Variants in RNLS observed in about 807,000 individuals in gnomAD.
RNLS encodes the protein renalase.
In RNLS, 39 loss-of-function variants were observed where a neutral mutation model predicts 39.8. The observed-to-expected ratio is 0.98, with a 90% confidence interval of 0.76 to 1.28. The LOEUF (loss-of-function observed/expected upper bound fraction) is 1.28. RNLS is among the 50% of genes most tolerant of loss of function. RNLS has a pLI of 0.00. For missense variants in RNLS, 410 were observed against 413.3 expected (o/e 0.99, Z 0.07); for synonymous variants, 147 against 150.7 (o/e 0.98, Z 0.18).
chr10:88,281,844 C>T (rs145623136), downstream of RNLS, among the ~76,000 whole-genome samples: 131 of 151,922 alleles, frequency 8.6e-4, no homozygotes, highest in Admixed American at 2.4e-3. Flanking sequence ...TTCATATTCC[C>T]GGTTTTTCTG....
intron 4 of RNLS, among the ~76,000 whole-genome samples, chr10:88,419,678 A>T (rs1275105580): frequency 6.6e-6 from 1 of 152,120 alleles, no homozygotes; most frequent in Non-Finnish European, 1.5e-5. Context: ...TTTCTTCCTC[A>T]TGATTCCTTT....
chr10:88,460,327 G>C (rs986685746), intron 4 of RNLS, among the ~76,000 whole-genome samples: 1 of 152,118 alleles, frequency 6.6e-6, no homozygotes, highest in Admixed American at 6.6e-5. Flanking sequence ...GAAATACAAA[G>C]AGAATAGCTC....
chr10:88,513,691 C>T (rs1846267343), intron 4 of RNLS, among the ~76,000 whole-genome samples: 1 of 152,062 alleles, frequency 6.6e-6, no homozygotes, highest in Admixed American at 6.6e-5. Context: ...TGCATAAACA[C>T]CTTTTCACAC....
chr10:88,256,527 G>A, the RNLS span, among the ~76,000 whole-genome samples: 1 of 152,228 alleles, frequency 6.6e-6, no homozygotes, highest in Non-Finnish European at 1.5e-5. Context: ...CTTCAGACAG[G>A]AGGATATGGG....
At chr10:88,290,603 A>C (rs1276249972) in intron 6 of RNLS, among the ~76,000 whole-genome samples, 1 of 152,224 alleles carries the variant, frequency 6.6e-6, no homozygotes, top group East Asian at 1.9e-4. Context: ...TTAATAGAAA[A>C]GTTCTTTCAG....
chr10:88,522,701 A>G (rs1760752175), intron 4 of RNLS, among the ~76,000 whole-genome samples: 1 of 152,096 alleles, frequency 6.6e-6, no homozygotes, highest in South Asian at 2.1e-4. Flanking sequence ...GAGGAAACTA[A>G]TCAAAGAGAT....
chr10:88,356,071 A>C (rs1477858997), intron 5 of RNLS, among the ~76,000 whole-genome samples: 1 of 152,168 alleles, frequency 6.6e-6, no homozygotes, highest in African/African-American at 2.4e-5. Flanking sequence ...ATTGGAAAAG[A>C]GCAGTATTAG....
chr10:88,175,293 G>A, the RNLS span, among the ~76,000 whole-genome samples: 1 of 151,772 alleles, frequency 6.6e-6, no homozygotes, highest in Non-Finnish European at 1.5e-5. Flanking sequence ...CCCAATTTGG[G>A]GTTTGGTTTG....
At chr10:88,533,913 A>T (rs1847587791) in intron 4 of RNLS, among the ~76,000 whole-genome samples, 1 of 152,178 alleles carries the variant, frequency 6.6e-6, no homozygotes, top group Admixed American at 6.6e-5. Context: ...GGGGTAGATG[A>T]AATTGCTAAT....
At chr10:88,269,381 C>T (rs1842587098), downstream of RNLS, among the ~76,000 whole-genome samples, 1 of 152,156 alleles carries the variant, frequency 6.6e-6, no homozygotes, top group African/African-American at 2.4e-5. Context: ...ATGCATGAAA[C>T]TATTTTATTA....
chr10:88,330,135 C>A (rs1589569418), intron 5 of RNLS, among the ~76,000 whole-genome samples: 1 of 147,538 alleles, frequency 6.8e-6, no homozygotes, highest in Admixed American at 6.8e-5. Flanking sequence ...CACACACACA[C>A]AATTTTATAT....
At chr10:88,350,944 T>C (rs1848648209) in intron 5 of RNLS, among the ~76,000 whole-genome samples, 1 of 152,204 alleles carries the variant, frequency 6.6e-6, no homozygotes, top group Non-Finnish European at 1.5e-5. Flanking sequence ...TGAGATGATA[T>C]CTCATTGTGG....
At chr10:88,172,532 T>A in the RNLS span, among the ~76,000 whole-genome samples, 1,606 of 151,884 alleles carry the variant, frequency 0.011, 25 homozygotes, top group African/African-American at 0.036. Flanking sequence ...ATTATTTGTA[T>A]TTTTTTACTG....
the RNLS span, among the ~76,000 whole-genome samples, chr10:88,188,941 A>T: frequency 2.0e-5 from 3 of 152,190 alleles, no homozygotes; most frequent in Admixed American, 6.5e-5. Context: ...CTAATCCTTA[A>T]AATGATGTCA....
At chr10:88,430,920 G>T (rs1247301101) in intron 4 of RNLS, among the ~76,000 whole-genome samples, 1 of 151,514 alleles carries the variant, frequency 6.6e-6, no homozygotes, top group Non-Finnish European at 1.5e-5. Flanking sequence ...TTTTTATAGA[G>T]ATATTGACCT....
the RNLS span, among the ~76,000 whole-genome samples, chr10:88,259,792 G>A: frequency 6.6e-6 from 1 of 152,142 alleles, no homozygotes; most frequent in African/African-American, 2.4e-5. Flanking sequence ...TCACCAGGCT[G>A]GAGTGCAGTG....
chr10:88,362,764 A>G lies in RNLS; in HGVS notation c.527-39T>C, dbSNP rs1447487234. 2.5e-6 allele frequency: 4 copies of G among 1,587,196 alleles called. No individual in the cohort carries two copies. The Admixed American group carries it at 5.3e-5, about 21-fold the overall frequency. ...AATAAAAGGCATCAAACTTAAAAAT[A>G]CCATCTTTCCTTTTAGCACATCAAA... On this transcript the variant is annotated intron_variant, in intron 4 of 6. Coordinates refer to ENST00000331772, the MANE Select transcript of RNLS (RefSeq NM_001031709.3).
At chr10:88,569,641 A>T (rs895206123) in intron 4 of RNLS, among the ~76,000 whole-genome samples, 1 of 152,218 alleles carries the variant, frequency 6.6e-6, no homozygotes, top group Non-Finnish European at 1.5e-5. Flanking sequence ...ATGTAAATAC[A>T]ATTTTCAGAT....
At chr10:88,213,660 A>C in the RNLS span, among the ~76,000 whole-genome samples, 1 of 152,096 alleles carries the variant, frequency 6.6e-6, no homozygotes, top group Non-Finnish European at 1.5e-5. Flanking sequence ...CCAGTTGAAG[A>C]GATACGGCCA....
Sources: gnomAD v4.1 joint callset for allele counts (sites outside exome capture counted in the v4.1 genomes callset) on GRCh38, gnomAD v4.1.1 for gene constraint, MANE v1.5 for transcripts, NCBI Gene and HGNC (gene_info 2026-07-23, HGNC 2026-07-21) for gene names.